The following TMEFF2 variants were observed in gnomAD, a reference collection of about 807,000 sequenced individuals.
The protein encoded by TMEFF2 is tomoregulin-2.
In TMEFF2, 28 loss-of-function variants were observed where a neutral mutation model predicts 53.8. The observed-to-expected ratio is 0.52, with a 90% confidence interval of 0.39 to 0.71. The LOEUF (loss-of-function observed/expected upper bound fraction) is 0.71, where lower values mean the gene tolerates loss of function less well. Among genes scored for constraint, TMEFF2 ranks in the 30% least tolerant of loss-of-function variants. The probability of loss-of-function intolerance (pLI) is 0.00; values close to 1 mark genes in which losing one functional copy is unlikely to be tolerated. For synonymous variants in TMEFF2, 162 were observed against 166.3 expected (o/e 0.97, Z 0.20); for missense variants, 353 against 455.2 (o/e 0.78, Z 2.04).
intron 5 of TMEFF2, among the ~76,000 whole-genome samples, chr2:192,017,763 A>G (rs1262915635): frequency 6.6e-6 from 1 of 152,240 alleles, no homozygotes; most frequent in Non-Finnish European, 1.5e-5. Flanking sequence ...AGAATCCATT[A>G]GAACCCAACC....
At chr2:191,959,779 TAA>T (rs1291176914) in intron 7 of TMEFF2, among the ~76,000 whole-genome samples, 1 of 152,224 alleles carries the variant, frequency 6.6e-6, no homozygotes, top group African/African-American at 2.4e-5. Flanking sequence ...TCCATATTTC[TAA>T]AAAAGAGAAT....
intron 8 of TMEFF2, among the ~76,000 whole-genome samples, chr2:191,955,524 A>ATTTTTTTTTTTTTTTTTTTTTTTT (rs71405028): frequency 3.3e-5 from 2 of 60,290 alleles, no homozygotes; most frequent in African/African-American, 6.6e-5. Flanking sequence ...CTAATTCTTA[A>ATTTTTTTTTTTTTTTTTTTTTTTT]TTTTTTTTTT....
intron 4 of TMEFF2, among the ~76,000 whole-genome samples, chr2:192,110,195 G>A (rs1170885013): frequency 1.3e-5 from 2 of 152,088 alleles, no homozygotes; most frequent in Admixed American, 6.6e-5. Flanking sequence ...CAAGAACTAA[G>A]GGGTCAATGG....
intron 4 of TMEFF2, among the ~76,000 whole-genome samples, chr2:192,111,006 C>T (rs930919925): frequency 6.6e-6 from 1 of 152,116 alleles, no homozygotes. Flanking sequence ...GATTGTGAGG[C>T]CTCCCTGGCC....
At chr2:192,019,731 G>A (rs989002277) in intron 5 of TMEFF2, among the ~76,000 whole-genome samples, 6 of 151,774 alleles carry the variant, frequency 4.0e-5, no homozygotes, top group Admixed American at 6.6e-5. Context: ...AGAATAAAGG[G>A]CATTGAAAAG....
At chr2:192,001,859 A>G (rs1686371572) in intron 5 of TMEFF2, among the ~76,000 whole-genome samples, 1 of 152,148 alleles carries the variant, frequency 6.6e-6, no homozygotes, top group Admixed American at 6.6e-5. Flanking sequence ...GTATGTCTTT[A>G]TCAGTAGGGT....
At chr2:192,171,937 T>C (rs1436094539) in intron 4 of TMEFF2, among the ~76,000 whole-genome samples, 1 of 151,818 alleles carries the variant, frequency 6.6e-6, no homozygotes, top group Non-Finnish European at 1.5e-5. Context: ...ATTTTACAGA[T>C]CTTAGTGGAT....
chr2:192,133,239 T>A (rs888611446), intron 4 of TMEFF2, among the ~76,000 whole-genome samples: 2 of 152,156 alleles, frequency 1.3e-5, no homozygotes, highest in Non-Finnish European at 2.9e-5. Context: ...CTGCATCTCA[T>A]TGCCGCCCTT....
At chr2:192,116,199 C>A (rs992923411) in intron 4 of TMEFF2, among the ~76,000 whole-genome samples, 7 of 151,834 alleles carry the variant, frequency 4.6e-5, no homozygotes, top group Non-Finnish European at 5.9e-5. Flanking sequence ...TATGGATGAA[C>A]CTTGAGACAA....
At chr2:191,962,183 A>AT (rs898144646) in intron 7 of TMEFF2, among the ~76,000 whole-genome samples, 4 of 152,182 alleles carry the variant, frequency 2.6e-5, no homozygotes, top group African/African-American at 7.2e-5. Flanking sequence ...ACATTATTCT[A>AT]TTTTTTTCAG....
In TMEFF2 at chr2:191,949,192, C is replaced by A; in HGVS notation, c.*1119G>T. 1.0e-6 allele frequency: 1 copy of A among 985,312 alleles called. No homozygotes were observed. Among genetic ancestry groups the A allele is most frequent in the Non-Finnish European group, 1.2e-6 (1 of 829,866 alleles). The allele number at this position is 985,312 out of a possible 1,614,324, so 61.0% of individuals were successfully genotyped here. ...TTTTTTCCAGATCAAGTTGTGATAC[C>A]TATTTGTATGCACAAATCAAACAAA... On this transcript the variant is annotated 3_prime_UTR_variant, in exon 10 of 10. Transcript: ENST00000272771.
chr2:192,160,895 G>C (rs1437324657), intron 4 of TMEFF2, among the ~76,000 whole-genome samples: 1 of 152,176 alleles, frequency 6.6e-6, no homozygotes, highest in Admixed American at 6.5e-5. Context: ...AGAGGAAAGA[G>C]AGGAGAAAAA....
In TMEFF2 at chr2:192,194,690, G is replaced by C. The variant is rs981228322; in HGVS notation, c.-166C>G. On this transcript the variant is annotated 5_prime_UTR_variant, in exon 1 of 10. Transcript: ENST00000272771. The surrounding 1 kb of genome is among the most constrained non-coding windows in gnomAD (Gnocchi z 4.2). ...AGCAGCCAAACCCGCGCATGATCTC[G>C]AGAGTTTCAGCAACATCCAGGGACT... 1.4e-6 allele frequency: 1 copy of C among 693,710 alleles called. No homozygotes were observed. The highest frequency in any genetic ancestry group is 1.8e-5 in the African/African-American group (1 of 55,970). 43.0% of individuals were successfully genotyped at this position (693,710 alleles called of 1,614,324 possible).
chr2:192,072,105 T>G (rs1312203776), intron 4 of TMEFF2, among the ~76,000 whole-genome samples: 4 of 151,672 alleles, frequency 2.6e-5, no homozygotes, highest in Admixed American at 2.6e-4. Flanking sequence ...ATACGAGAGG[T>G]GAGAGTAGAA....
chr2:192,058,361 T>G (rs558505487), intron 4 of TMEFF2, among the ~76,000 whole-genome samples: 79 of 152,320 alleles, frequency 5.2e-4, no homozygotes, highest in African/African-American at 1.9e-3. Flanking sequence ...TACTGAATCT[T>G]ACATAAGTAT....
At chr2:192,013,193 C>T (rs982518538) in intron 5 of TMEFF2, among the ~76,000 whole-genome samples, 8 of 152,088 alleles carry the variant, frequency 5.3e-5, no homozygotes, top group Non-Finnish European at 7.4e-5. Context: ...CTGTGTGATC[C>T]GGCTCTTGAC....
intron 4 of TMEFF2, among the ~76,000 whole-genome samples, chr2:192,121,161 T>C (rs745466748): frequency 3.3e-5 from 5 of 151,944 alleles, no homozygotes; most frequent in African/African-American, 4.8e-5. Flanking sequence ...GAAGGAGACA[T>C]GTTAGCAGGT....
chr2:192,032,315 A>C (rs1409155314), intron 5 of TMEFF2: 2 of 152,192 alleles, frequency 1.3e-5, no homozygotes, highest in African/African-American at 4.8e-5. Flanking sequence ...CTTCTATAAA[A>C]AAGCAGGCTA....
rs924540939 is a variant in TMEFF2 at position 192,194,443 on chromosome 2, T to C, written c.82A>G (p.Met28Val). ...ACCGGGCGGGCTACGATGAGTAGCATGACGGGCAGCAGCAGCAGCCAGCAA... is the reference window on the plus strand; with the variant it reads ...ACCGGGCGGGCTACGATGAGTAGCACGACGGGCAGCAGCAGCAGCCAGCAA... The part of the protein sequence containing the change: ...GFCWLLLLPV[M>V]LLIVARPVKL... Residue 28 changes from methionine to valine, a missense_variant, in exon 1 of 10, where the codon ATG (methionine) becomes GTG (valine). By Grantham distance (21) the Met-to-Val change is conservative. Around this residue, in one of 3 missense-constraint regions of TMEFF2, gnomAD observed 54 missense variants for 41.8 expected, o/e 1.29. Transcript: ENST00000272771. This position sits in a 1 kb window ranked among gnomAD's most constrained non-coding sequence, Gnocchi z 4.2. The C allele has an allele frequency of 1.9e-5, 31 of 1,613,958 alleles. No homozygotes were observed. The highest frequency in any genetic ancestry group is 2.5e-5 in the Non-Finnish European group (29 of 1,180,024).
Sources: gnomAD v4.1 joint callset for allele counts (sites outside exome capture counted in the v4.1 genomes callset) on GRCh38, gnomAD v4.1.1 for gene constraint, gnomAD v4.1.1 regional missense constraint, Gnocchi (gnomAD v3.1) non-coding constraint, MANE v1.5 for transcripts, NCBI Gene and HGNC (gene_info 2026-07-23, HGNC 2026-07-21) for gene names.